Variants in PPP1R9A observed in about 807,000 individuals in gnomAD.
The protein encoded by PPP1R9A is neurabin-1.
Under a neutral mutation model 141.9 loss-of-function variants are expected in PPP1R9A, and 59 were observed. The ratio of observed to expected loss-of-function variants is 0.42; its 90% CI spans 0.34 to 0.52. PPP1R9A has a LOEUF of 0.52. Ranked by LOEUF, PPP1R9A falls within the 20% of genes least tolerant of loss-of-function variation. The pLI is 0.10. For synonymous variants in PPP1R9A, 500 were observed against 569.7 expected (o/e 0.88, Z 1.74); for missense variants, 1,444 against 1,611.9 (o/e 0.90, Z 1.78).
intron 7 of PPP1R9A, among the ~76,000 whole-genome samples, chr7:95,204,588 T>C (rs1790285016): frequency 6.6e-6 from 1 of 151,350 alleles, no homozygotes; most frequent in Non-Finnish European, 1.5e-5. Context: ...TGTATACACA[T>C]GCTTAACACA....
intron 2 of PPP1R9A, among the ~76,000 whole-genome samples, chr7:95,050,678 A>G (rs1191717661): frequency 6.6e-6 from 1 of 152,192 alleles, no homozygotes; most frequent in Non-Finnish European, 1.5e-5. Flanking sequence ...GTGAGCCAAG[A>G]TTGTGCCATT....
chr7:95,094,838 C>A lies in PPP1R9A; in HGVS notation c.1396-16421C>A, dbSNP rs186962062. Among the ~76,000 whole-genome samples, 1,047 of 141,470 alleles carry A rather than the reference C, an allele frequency of 7.4e-3. 11 individuals are homozygous for A. The highest frequency in any genetic ancestry group is 0.026 in the African/African-American group (982 of 38,128). The allele number at this position is 141,470 out of a possible 152,430, so 92.8% of individuals were successfully genotyped here. Reference sequence around the variant, plus strand: ...GAGGTTCCAATGAGCTGAGATCACACCACTGCACTCCAGCCTGGGCGACAG... The same window carrying A: ...GAGGTTCCAATGAGCTGAGATCACAACACTGCACTCCAGCCTGGGCGACAG... On this transcript the variant is annotated intron_variant, in intron 2 of 19. Transcript: ENST00000433360.
At chr7:94,939,379 T>C (rs1485776728) in intron 2 of PPP1R9A, among the ~76,000 whole-genome samples, 3 of 152,158 alleles carry the variant, frequency 2.0e-5, no homozygotes, top group Non-Finnish European at 4.4e-5. Flanking sequence ...CTACAATAAC[T>C]ACTTGCTGAA....
intron 17 of PPP1R9A, among the ~76,000 whole-genome samples, chr7:95,285,618 C>T (rs886999490): frequency 6.6e-6 from 1 of 152,228 alleles, no homozygotes; most frequent in Non-Finnish European, 1.5e-5. Context: ...CTCTCTGATG[C>T]TCTGCGGGTG....
At chr7:94,985,878 G>A (rs1800764013) in intron 2 of PPP1R9A, among the ~76,000 whole-genome samples, 1 of 152,148 alleles carries the variant, frequency 6.6e-6, no homozygotes. Flanking sequence ...AATGGCAATT[G>A]CCATGTATGG....
chr7:95,092,053 CT>C (rs1321812668), intron 2 of PPP1R9A, among the ~76,000 whole-genome samples: 3 of 152,128 alleles, frequency 2.0e-5, no homozygotes, highest in Non-Finnish European at 2.9e-5. Flanking sequence ...TGCACTTCTC[CT>C]TTTCCTCACC....
chr7:94,945,903 C>G (rs1795842751), intron 2 of PPP1R9A, among the ~76,000 whole-genome samples: 1 of 151,946 alleles, frequency 6.6e-6, no homozygotes, highest in African/African-American at 2.4e-5. Context: ...AACTCACACA[C>G]TATTCATTCT....
At chr7:95,139,032 A>G (rs1239808110) in intron 4 of PPP1R9A, among the ~76,000 whole-genome samples, 1 of 152,240 alleles carries the variant, frequency 6.6e-6, no homozygotes, top group Non-Finnish European at 1.5e-5. Context: ...ATATGTCTAC[A>G]TAAAGTCTTG....
At chr7:95,168,283 A>G (rs118130807) in intron 5 of PPP1R9A, among the ~76,000 whole-genome samples, 1 of 152,114 alleles carries the variant, frequency 6.6e-6, no homozygotes, top group Non-Finnish European at 1.5e-5. Flanking sequence ...CCAAGAACAT[A>G]CATTGGGGAA....
intron 5 of PPP1R9A, 111 bp downstream of exon 5, chr7:95,162,082 G>T: frequency 5.1e-6 from 3 of 584,346 alleles, no homozygotes; most frequent in Non-Finnish European, 5.7e-6. Flanking sequence ...TACCTGAATA[G>T]TAAAACTTTG....
At chr7:95,225,907 T>C (rs1795083253) in intron 7 of PPP1R9A, 54 bp from the exon 8 acceptor site, 1 of 1,524,528 alleles carries the variant, frequency 6.6e-7, no homozygotes, top group East Asian at 2.3e-5. Context: ...TTCAAATAAC[T>C]CACCTCCACC....
intron 2 of PPP1R9A, among the ~76,000 whole-genome samples, chr7:95,006,225 T>TTTATTTAG (rs1359231865): frequency 6.6e-6 from 1 of 151,254 alleles, no homozygotes; most frequent in African/African-American, 2.4e-5. Context: ...TATTTATTTA[T>TTTATTTAG]TTATTTATTT....
chr7:95,203,982 CT>C (rs909188938), intron 7 of PPP1R9A, among the ~76,000 whole-genome samples: 31 of 152,234 alleles, frequency 2.0e-4, no homozygotes, highest in African/African-American at 7.5e-4. Context: ...TTTTTAACCC[CT>C]AACACTTTAA....
intron 5 of PPP1R9A, among the ~76,000 whole-genome samples, chr7:95,193,024 A>G (rs1412887423): frequency 6.6e-6 from 1 of 152,120 alleles, no homozygotes; most frequent in East Asian, 1.9e-4. Flanking sequence ...TCTTTCATGT[A>G]TGTACCACAT....
At chr7:95,057,988 G>T (rs993883300) in intron 2 of PPP1R9A, among the ~76,000 whole-genome samples, 7 of 152,088 alleles carry the variant, frequency 4.6e-5, no homozygotes, top group Admixed American at 4.6e-4. Flanking sequence ...GTAGACCAAT[G>T]GTTATAAACC....
intron 4 of PPP1R9A, among the ~76,000 whole-genome samples, chr7:95,137,415 C>CAAAAAAAAAAAAA (rs33928009): frequency 6.2e-4 from 57 of 91,480 alleles, no homozygotes; most frequent in African/African-American, 2.3e-3. Flanking sequence ...GACATGAACT[C>CAAAAAAAAAAAAA]AAAAAAAAAA....
intron 2 of PPP1R9A, among the ~76,000 whole-genome samples, chr7:95,104,933 T>C (rs776596434): frequency 6.6e-6 from 1 of 151,934 alleles, no homozygotes; most frequent in African/African-American, 2.4e-5. Flanking sequence ...GTAACCTGTT[T>C]GTGGAAGCAT....
chr7:95,067,609 TAAC>T (rs1350287841), intron 2 of PPP1R9A, among the ~76,000 whole-genome samples: 3 of 145,080 alleles, frequency 2.1e-5, no homozygotes, highest in Non-Finnish European at 2.9e-5. Flanking sequence ...ATGATAATAA[TAAC>T]ACAGTCATCC....
rs1164686111 is a variant in PPP1R9A at position 95,268,553 on chromosome 7, T to G, written c.2669T>G (p.Leu890Trp). ...TSCQDGLSQDLNEAVPETERL... is the reference protein window; with the variant it reads ...TSCQDGLSQDWNEAVPETERL... The stretch of plus-strand genomic sequence containing the variant: ...GATTATCTTTCAATATTCTTAGACT[T>G]GAATGAAGCAGTCCCAGAGACAGAG... The change falls in exon 13 of 20, where the codon TTG becomes TGG. Residue 890 changes from leucine to tryptophan, a missense_variant. Physicochemically the swap from Leu to Trp is moderately conservative, Grantham distance 61. This residue lies in a region of PPP1R9A where 488 missense variants were observed against 542.0 expected (regional missense o/e 0.90). Transcript: ENST00000433360. 13 of 1,612,900 alleles carry G rather than the reference T, an allele frequency of 8.1e-6. No homozygotes were observed. Among genetic ancestry groups the G allele is most frequent in the Non-Finnish European group, 1.1e-5 (13 of 1,179,292 alleles).
Sources: allele counts gnomAD v4.1 joint callset (sites outside exome capture counted in the v4.1 genomes callset), GRCh38; gene constraint gnomAD v4.1.1; regional missense constraint gnomAD v4.1.1; transcripts MANE v1.5; gene names NCBI Gene and HGNC (gene_info 2026-07-23, HGNC 2026-07-21).